ERBB4: variants seen among roughly 807,000 people sequenced by gnomAD.
ERBB4 encodes the protein erb-b2 receptor tyrosine kinase 4.
A neutral mutation model predicts 158.0 loss-of-function variants in ERBB4; 42 were observed. That is an observed-to-expected ratio of 0.27 (90% confidence interval 0.21 to 0.34). ERBB4 has a LOEUF of 0.34. Among genes scored for constraint, ERBB4 ranks in the 10% least tolerant of loss-of-function variants. ERBB4 has a pLI of 1.00. For synonymous variants in ERBB4, 583 were observed against 558.7 expected (o/e 1.04, Z -0.61); for missense variants, 1,333 against 1,624.1 (o/e 0.82, Z 3.08).
chr2:212,153,440 C>T (rs1559608698), intron 1 of ERBB4, among the ~76,000 whole-genome samples: 1 of 152,112 alleles, frequency 6.6e-6, no homozygotes, highest in African/African-American at 2.4e-5. Flanking sequence ...AAATAAACTC[C>T]ATATTCTCTG....
chr2:212,462,276 A>C (rs928045524), intron 1 of ERBB4, among the ~76,000 whole-genome samples: 1 of 152,344 alleles, frequency 6.6e-6, no homozygotes. Flanking sequence ...ATCAAACTAA[A>C]AAGTTTCTGC....
At chr2:211,421,985 G>C in intron 24 of ERBB4, 22 bp downstream of exon 24, 1 of 1,484,756 alleles carries the variant, frequency 6.7e-7, no homozygotes, top group Admixed American at 1.7e-5. Context: ...TAGTCTTAAA[G>C]GCATAAGTCA....
intron 16 of ERBB4, among the ~76,000 whole-genome samples, chr2:211,640,279 T>A (rs1270939111): frequency 6.6e-6 from 1 of 152,150 alleles, no homozygotes; most frequent in African/African-American, 2.4e-5. Context: ...TAGCCCTTTT[T>A]CCTGCTGCGG....
At chr2:212,419,825 T>G (rs2091753117) in intron 1 of ERBB4, among the ~76,000 whole-genome samples, 1 of 151,904 alleles carries the variant, frequency 6.6e-6, no homozygotes, top group Non-Finnish European at 1.5e-5. Context: ...TCCAAAATAT[T>G]TTTTATGTCT....
intron 2 of ERBB4, among the ~76,000 whole-genome samples, chr2:212,085,891 T>C (rs1489944532): frequency 6.6e-6 from 1 of 151,966 alleles, no homozygotes; most frequent in Non-Finnish European, 1.5e-5. Context: ...AATATTTTTA[T>C]ATCAAGATCA....
intron 1 of ERBB4, among the ~76,000 whole-genome samples, chr2:212,455,975 C>A (rs1688270527): frequency 6.6e-6 from 1 of 151,856 alleles, no homozygotes; most frequent in Non-Finnish European, 1.5e-5. Flanking sequence ...TGGCTTCTTC[C>A]CCCAGCTGTC....
chr2:212,520,783 T>C (rs1057321958), intron 1 of ERBB4, among the ~76,000 whole-genome samples: 3 of 151,998 alleles, frequency 2.0e-5, no homozygotes, highest in South Asian at 2.1e-4. Context: ...CACTCAACTG[T>C]AGAAGAGCAG....
chr2:212,390,489 A>T (rs569884893), intron 1 of ERBB4, among the ~76,000 whole-genome samples: 38 of 151,962 alleles, frequency 2.5e-4, no homozygotes, highest in African/African-American at 9.1e-4. Context: ...TGCCAAAACA[A>T]TATGTTCAGA....
chr2:211,995,177 A>G (rs1056534036), intron 2 of ERBB4, among the ~76,000 whole-genome samples: 1 of 152,228 alleles, frequency 6.6e-6, no homozygotes, highest in African/African-American at 2.4e-5. Flanking sequence ...AATATTTTGT[A>G]ACAGCTTTAT....
intron 24 of ERBB4, 40 bp from the exon 25 acceptor site, chr2:211,420,651 TTCTTA>T (rs2063495214): frequency 6.5e-7 from 1 of 1,547,716 alleles, no homozygotes; most frequent in South Asian, 1.1e-5. Context: ...ATATGATTCT[TTCTTA>T]TCTTAAATAT....
At chr2:212,491,907 C>T (rs1690298046) in intron 1 of ERBB4, among the ~76,000 whole-genome samples, 1 of 151,442 alleles carries the variant, frequency 6.6e-6, no homozygotes, top group Admixed American at 6.6e-5. Context: ...TTCCTGAATA[C>T]CCTCCCTGTC....
chr2:211,733,381 A>T (rs1026498102), intron 5 of ERBB4, among the ~76,000 whole-genome samples: 2 of 152,212 alleles, frequency 1.3e-5, no homozygotes, highest in Non-Finnish European at 2.9e-5. Context: ...GTTATTTTGC[A>T]TATTCCTCAC....
intron 2 of ERBB4, among the ~76,000 whole-genome samples, chr2:212,074,877 T>C (rs1221760796): frequency 9.2e-5 from 14 of 151,994 alleles, no homozygotes; most frequent in Non-Finnish European, 4.4e-5. Context: ...CTTAGTCTCC[T>C]TTCCTCTAAC....
chr2:212,421,833 A>G (rs1466168832), intron 1 of ERBB4, among the ~76,000 whole-genome samples: 1 of 152,222 alleles, frequency 6.6e-6, no homozygotes, highest in African/African-American at 2.4e-5. Context: ...TAATCAAAAG[A>G]GATTAAAAAT....
chr2:211,515,912 A>ATTTTTTTT (rs1553555083), intron 20 of ERBB4, among the ~76,000 whole-genome samples: 2 of 78,974 alleles, frequency 2.5e-5, no homozygotes, highest in Admixed American at 1.5e-4. Flanking sequence ...ATATATATAT[A>ATTTTTTTT]TTTTTTTTTT....
intron 12 of ERBB4, among the ~76,000 whole-genome samples, chr2:211,700,171 T>C (rs1365629663): frequency 6.6e-6 from 1 of 152,124 alleles, no homozygotes; most frequent in Admixed American, 6.5e-5. Flanking sequence ...ATTCATCAAT[T>C]GGTATTGAAG....
intron 13 of ERBB4, among the ~76,000 whole-genome samples, chr2:211,674,927 G>A (rs1049943770): frequency 6.6e-5 from 10 of 152,080 alleles, no homozygotes; most frequent in African/African-American, 2.2e-4. Flanking sequence ...TTCCCCACAC[G>A]CAGAGTTGAG....
intron 3 of ERBB4, among the ~76,000 whole-genome samples, chr2:211,880,722 T>C (rs2078639059): frequency 1.3e-5 from 2 of 152,004 alleles, no homozygotes; most frequent in African/African-American, 4.8e-5. Flanking sequence ...CACCTCAAAT[T>C]TACGGTGAAA....
chr2:212,138,670 A>G (rs934031834), intron 1 of ERBB4, among the ~76,000 whole-genome samples: 13 of 152,300 alleles, frequency 8.5e-5, no homozygotes, highest in African/African-American at 2.4e-4. Context: ...TACCTTAACA[A>G]ATGTTTTATT....
Sources: gnomAD v4.1 joint callset for allele counts (sites outside exome capture counted in the v4.1 genomes callset) on GRCh38, gnomAD v4.1.1 for gene constraint, MANE v1.5 for transcripts, NCBI Gene and HGNC (gene_info 2026-07-23, HGNC 2026-07-21) for gene names.